Variants in KCNH8 observed in about 807,000 individuals in gnomAD.
KCNH8 encodes the protein potassium voltage-gated channel subfamily H member 8, also known as voltage-gated delayed rectifier potassium channel KCNH8.
A neutral mutation model predicts 103.6 loss-of-function variants in KCNH8; 70 were observed. The observed-to-expected ratio is 0.68, with a 90% confidence interval of 0.56 to 0.82. The LOEUF (loss-of-function observed/expected upper bound fraction) is 0.82, where lower values mean the gene tolerates loss of function less well. KCNH8 is among the 40% of genes least tolerant of loss of function. The pLI is 0.00. For missense variants in KCNH8, 1,217 were observed against 1,329.9 expected, an observed-to-expected ratio of 0.92 and a Z score of 1.32; for synonymous variants, 498 against 489.4, an observed-to-expected ratio of 1.02 and a Z score of -0.23.
intron 11 of KCNH8, among the ~76,000 whole-genome samples, chr3:19,487,826 G>A (rs1345766812): frequency 1.3e-5 from 2 of 152,140 alleles, no homozygotes; most frequent in African/African-American, 2.4e-5. Flanking sequence ...CAAAGGCAAG[G>A]GACAGTCAGG....
chr3:19,436,011 A>G (rs1445995612), intron 7 of KCNH8, among the ~76,000 whole-genome samples: 2 of 152,214 alleles, frequency 1.3e-5, no homozygotes, highest in African/African-American at 2.4e-5. Context: ...TATGTAATTA[A>G]GCAAAATACT....
intron 14 of KCNH8, among the ~76,000 whole-genome samples, chr3:19,516,017 C>G (rs1559367714): frequency 6.6e-6 from 1 of 152,032 alleles, no homozygotes; most frequent in South Asian, 2.1e-4. Flanking sequence ...AAGAATGATT[C>G]TGTCAACAAG....
rs1249626742 is a variant in KCNH8 at position 19,354,183 on chromosome 3, A to G, written c.811+6218A>G. On this transcript the variant is annotated intron_variant, in intron 5 of 15. Coordinates refer to ENST00000328405, the MANE Select transcript of KCNH8 (RefSeq NM_144633.3). Reference sequence around the variant, plus strand: ...GAATCCAACTTACAAGGGATGTGAAAGACCTCTTCAAGGAGAACTACAAAC... The same window carrying G: ...GAATCCAACTTACAAGGGATGTGAAGGACCTCTTCAAGGAGAACTACAAAC... 5.3e-5 allele frequency among the ~76,000 whole-genome samples: 8 copies of G among 152,248 alleles called. No homozygotes were observed. In the South Asian group the frequency reaches 8.3e-4, roughly 16 times the overall value.
chr3:19,335,302 A>G (rs762829685), intron 3 of KCNH8, among the ~76,000 whole-genome samples: 3 of 151,720 alleles, frequency 2.0e-5, no homozygotes, highest in Non-Finnish European at 2.9e-5. Flanking sequence ...CCTAAAAGGG[A>G]ACCACCCTTA....
At position 19,413,666 on chromosome 3, in the gene KCNH8, A is replaced by G. The variant is rs113672701; in HGVS notation, c.1177+18355A>G. On this transcript the variant is annotated intron_variant, in intron 7 of 15. Transcript: ENST00000328405. Reference sequence around the variant, plus strand: ...AAGGAGAGAGGCTTTAGAGGAAACCAATCCTGCTGACACTTTGATCTCGGA... The same window carrying G: ...AAGGAGAGAGGCTTTAGAGGAAACCGATCCTGCTGACACTTTGATCTCGGA... 5.1e-3 allele frequency among the ~76,000 whole-genome samples: 773 copies of G among 152,130 alleles called. 11 individuals carry two copies. The highest frequency in any genetic ancestry group is 0.017 in the African/African-American group (706 of 41,544).
At chr3:19,222,305 C>A (rs1490817843) in intron 1 of KCNH8, among the ~76,000 whole-genome samples, 1 of 152,070 alleles carries the variant, frequency 6.6e-6, no homozygotes, top group Non-Finnish European at 1.5e-5. Flanking sequence ...TAATTATTTG[C>A]AGATAATATG....
At chr3:19,303,380 AG>A (rs2065088473) in intron 3 of KCNH8, among the ~76,000 whole-genome samples, 1 of 152,192 alleles carries the variant, frequency 6.6e-6, no homozygotes, top group African/African-American at 2.4e-5. Context: ...CAAACAGATG[AG>A]TGTGAATTGA....
chr3:19,451,032 T>G, intron 9 of KCNH8, 123 bp from the exon 10 acceptor site: 1 of 868,216 alleles, frequency 1.2e-6, no homozygotes, highest in Non-Finnish European at 1.8e-6. Context: ...AGATTTCCTC[T>G]TCTGTATGCT....
At chr3:19,379,362 C>T (rs966962993) in intron 5 of KCNH8, among the ~76,000 whole-genome samples, 3 of 152,188 alleles carry the variant, frequency 2.0e-5, no homozygotes, top group East Asian at 1.9e-4. Context: ...AATAAGAAGG[C>T]CGGGCCCAGT....
At chr3:19,287,973 A>G (rs2064857030) in intron 3 of KCNH8, among the ~76,000 whole-genome samples, 2 of 151,514 alleles carry the variant, frequency 1.3e-5, no homozygotes, top group Non-Finnish European at 2.9e-5. Context: ...TTCAGCTCAC[A>G]CTCTTCTTTC....
chr3:19,159,725 TA>T (rs1284456218), intron 1 of KCNH8, among the ~76,000 whole-genome samples: 1 of 152,116 alleles, frequency 6.6e-6, no homozygotes, highest in East Asian at 1.9e-4. Context: ...CATTTGTATC[TA>T]AACACTTCAG....
intron 1 of KCNH8, among the ~76,000 whole-genome samples, chr3:19,160,054 G>A (rs1221316450): frequency 6.6e-6 from 1 of 152,048 alleles, no homozygotes; most frequent in Non-Finnish European, 1.5e-5. Context: ...TAAGAAAATT[G>A]ATGATGCATA....
At position 19,291,954 on chromosome 3, in the gene KCNH8, A is replaced by G. The variant is rs181967242; in HGVS notation, c.442+10625A>G. ...CTTTCTTATTAATTAATTGTATTCA[A>G]TTGCCCTCACCTGTGTGATAGTGGT... On this transcript the variant is annotated intron_variant, in intron 3 of 15. Transcript: ENST00000328405. Among the ~76,000 whole-genome samples, 305 of 152,302 alleles carry G rather than the reference A, an allele frequency of 2.0e-3. 1 individual carries two copies. The highest frequency in any genetic ancestry group is 0.01 in the Admixed American group (158 of 15,290).
intron 3 of KCNH8, among the ~76,000 whole-genome samples, chr3:19,313,713 AAC>A (rs1288748497): frequency 1.3e-5 from 2 of 150,658 alleles, no homozygotes; most frequent in East Asian, 2.0e-4. Flanking sequence ...AAAAAAAAAA[AAC>A]AACTCAATAA....
intron 5 of KCNH8, among the ~76,000 whole-genome samples, chr3:19,357,093 C>T (rs578001982): frequency 8.8e-4 from 134 of 151,724 alleles, no homozygotes; most frequent in African/African-American, 2.9e-3. Flanking sequence ...AATTTCATTC[C>T]CTTTATCTCA....
At chr3:19,241,442 G>A (rs1190585320) in intron 1 of KCNH8, among the ~76,000 whole-genome samples, 1 of 152,098 alleles carries the variant, frequency 6.6e-6, no homozygotes, top group Non-Finnish European at 1.5e-5. Flanking sequence ...GATACCTCAT[G>A]TGTAGACTAG....
intron 7 of KCNH8, among the ~76,000 whole-genome samples, chr3:19,413,321 A>G (rs1400629461): frequency 6.6e-6 from 1 of 152,046 alleles, no homozygotes; most frequent in African/African-American, 2.4e-5. Flanking sequence ...AGTAGGAGCT[A>G]GACATCAGGT....
intron 15 of KCNH8, 81 bp from the exon 16 acceptor site, chr3:19,533,314 C>G (rs1289282569): frequency 6.0e-6 from 5 of 832,422 alleles, no homozygotes; most frequent in Non-Finnish European, 1.0e-5. Flanking sequence ...AGAAATATCA[C>G]TTCCCTGCTT....
At chr3:19,436,472 A>G (rs1453525959) in intron 7 of KCNH8, among the ~76,000 whole-genome samples, 1 of 152,206 alleles carries the variant, frequency 6.6e-6, no homozygotes, top group African/African-American at 2.4e-5. Flanking sequence ...CATTCTGTGA[A>G]AAAGTTTTAT....
Sources: allele counts gnomAD v4.1 joint callset (sites outside exome capture counted in the v4.1 genomes callset), GRCh38; gene constraint gnomAD v4.1.1; transcripts MANE v1.5; gene names NCBI Gene and HGNC (gene_info 2026-07-23, HGNC 2026-07-21).